Variants in PRDM5 observed in about 807,000 individuals in gnomAD.
PRDM5 encodes the protein PR/SET domain 5.
In PRDM5, 56 loss-of-function variants were observed where a neutral mutation model predicts 81.2. The ratio of observed to expected loss-of-function variants is 0.69; its 90% confidence interval spans 0.56 to 0.86. The LOEUF is 0.86. Among genes scored for constraint, PRDM5 ranks in the 40% least tolerant of loss-of-function variants. PRDM5 has a pLI of 0.00. For missense variants in PRDM5, 697 were observed against 770.1 expected, an observed-to-expected ratio of 0.91 and a Z score of 1.12; for synonymous variants, 267 against 256.4, an observed-to-expected ratio of 1.04 and a Z score of -0.39.
Position 120,722,418 on chromosome 4 carries a change from A to T in PRDM5, c.1624-12005T>A, listed in dbSNP as rs550273141. Among the ~76,000 whole-genome samples, 5 of 151,846 alleles carry T rather than the reference A, an allele frequency of 3.3e-5. No individual in the cohort carries two copies. In the South Asian group the frequency reaches 1.0e-3, roughly 32 times the overall value. On this transcript the variant is annotated intron_variant, in intron 14 of 15. Transcript: ENST00000264808. Reference sequence around the variant, plus strand: ...CTATATCACTGCTAGCAGAACCCTGATTCTATTTGGGTGTTGCCTTCTGCT... The same window carrying T: ...CTATATCACTGCTAGCAGAACCCTGTTTCTATTTGGGTGTTGCCTTCTGCT...
At chr4:120,847,834 T>A (rs1420123627) in intron 3 of PRDM5, among the ~76,000 whole-genome samples, 1 of 152,174 alleles carries the variant, frequency 6.6e-6, no homozygotes, top group Non-Finnish European at 1.5e-5. Context: ...GATTCTGTTT[T>A]ACCGCTGGGT....
At chr4:120,807,944 C>G (rs1753230664) in intron 8 of PRDM5, among the ~76,000 whole-genome samples, 1 of 152,094 alleles carries the variant, frequency 6.6e-6, no homozygotes, top group African/African-American at 2.4e-5. Context: ...GTGAGTGTTA[C>G]AGTTCTTAAA....
chr4:120,698,959 A>G (rs1274336731), intron 15 of PRDM5, among the ~76,000 whole-genome samples: 3 of 151,930 alleles, frequency 2.0e-5, no homozygotes, highest in Non-Finnish European at 4.4e-5. Flanking sequence ...TGTATTTTTA[A>G]ATAAAACATA....
chr4:120,814,735 A>G (rs1004311030), intron 7 of PRDM5, among the ~76,000 whole-genome samples: 4 of 152,190 alleles, frequency 2.6e-5, no homozygotes, highest in Admixed American at 2.0e-4. Flanking sequence ...CTTTCCTCCA[A>G]TGCCTGTGCA....
intron 2 of PRDM5, among the ~76,000 whole-genome samples, chr4:120,870,259 C>T (rs1266191567): frequency 1.3e-5 from 2 of 152,040 alleles, no homozygotes; most frequent in Non-Finnish European, 2.9e-5. Context: ...TTTATGACCT[C>T]GAGTGAAAGA....
At chr4:120,809,285 C>A (rs370566422) in intron 8 of PRDM5, among the ~76,000 whole-genome samples, 25 of 151,968 alleles carry the variant, frequency 1.6e-4, no homozygotes, top group African/African-American at 4.6e-4. Context: ...GGAGATATAC[C>A]TAATGTAAAT....
rs1725108083 is a variant in PRDM5 at position 120,922,594 on chromosome 4, G to A, written c.15C>T (p.Tyr5=). The A allele has an allele frequency of 4.4e-6, 7 of 1,608,478 alleles. No individual in the cohort carries two copies. The highest frequency in any genetic ancestry group is 1.3e-5 in the African/African-American group (1 of 74,886). Residue 5 remains tyrosine (Y), a synonymous_variant, in exon 1 of 16, where the codon TAC becomes TAT. Coordinates refer to ENST00000264808, the MANE Select transcript of PRDM5 (RefSeq NM_018699.4). MLGM[Y]VPDRFSLKSS... is the part of the protein sequence containing the mutation. ...ACTTCAGGGAGAACCTGTCCGGCAC[G>A]TACATGCCCAGCATTTTCCCGGGCG...
At chr4:120,853,323 T>C (rs763708284) in intron 3 of PRDM5, 95 bp downstream of exon 3, 26 of 1,557,518 alleles carry the variant, frequency 1.7e-5, no homozygotes, top group Non-Finnish European at 1.9e-5. Flanking sequence ...TTGAAGGAGG[T>C]CATTGGGAAA....
At chr4:120,808,987 C>A (rs1753430600) in intron 8 of PRDM5, among the ~76,000 whole-genome samples, 1 of 152,252 alleles carries the variant, frequency 6.6e-6, no homozygotes, top group Non-Finnish European at 1.5e-5. Flanking sequence ...CCGGCTCCGG[C>A]CTTGTCCAGC....
intron 14 of PRDM5, among the ~76,000 whole-genome samples, chr4:120,724,624 A>G (rs1397631375): frequency 6.6e-6 from 1 of 152,228 alleles, no homozygotes; most frequent in African/African-American, 2.4e-5. Flanking sequence ...AGTGTAATCC[A>G]TCTTTGAATA....
intron 13 of PRDM5, among the ~76,000 whole-genome samples, chr4:120,770,020 A>G (rs72678312): frequency 0.045 from 6,806 of 151,108 alleles, 306 homozygotes; most frequent in Middle Eastern, 0.15. Flanking sequence ...TTATTTATTT[A>G]TTTGTTTGTT....
intron 3 of PRDM5, among the ~76,000 whole-genome samples, chr4:120,835,814 A>T (rs897427636): frequency 6.6e-6 from 1 of 152,172 alleles, no homozygotes; most frequent in Non-Finnish European, 1.5e-5. Context: ...TAAGCTATAA[A>T]GGCGAAAGAA....
intron 7 of PRDM5, chr4:120,812,823 T>A: frequency 3.2e-6 from 1 of 313,800 alleles, no homozygotes. Flanking sequence ...TACTGTATAG[T>A]ATTAAAAGAG....
intron 1 of PRDM5, among the ~76,000 whole-genome samples, chr4:120,917,577 C>A (rs1724334586): frequency 6.6e-6 from 1 of 151,442 alleles, no homozygotes; most frequent in African/African-American, 2.4e-5. Context: ...TAGTACAGGT[C>A]TTGGCATATA....
At chr4:120,854,996 G>A (rs2148475514) in intron 2 of PRDM5, among the ~76,000 whole-genome samples, 1 of 152,178 alleles carries the variant, frequency 6.6e-6, no homozygotes. Flanking sequence ...TGGGCATTGA[G>A]ATCTAACAGA....
rs544836775 is a variant in PRDM5, at chr4:120,920,576, T to A, written c.93+1940A>T. On this transcript the variant is annotated intron_variant, in intron 1 of 15. Coordinates refer to ENST00000264808, the MANE Select transcript of PRDM5 (RefSeq NM_018699.4). ...TCAGCTAAAGTCTGCTGTTTGGCTT[T>A]AGCTTTGTCTTCGTCCTCAGATTTT... is the stretch of plus-strand genomic sequence containing the variant. Among the ~76,000 whole-genome samples the A allele has an allele frequency of 1.1e-4, 17 of 152,372 alleles. No homozygotes were observed. In the East Asian group the frequency reaches 2.9e-3, roughly 26 times the overall value.
At chr4:120,687,445 G>A (rs34660823), downstream of PRDM5, among the ~76,000 whole-genome samples, 24,075 of 152,034 alleles carry the variant, frequency 0.16, 2,441 homozygotes, top group Non-Finnish European at 0.24. Context: ...CCATGTTGTA[G>A]CATATGAAAT....
At chr4:120,733,510 A>T (rs1400254581) in intron 14 of PRDM5, among the ~76,000 whole-genome samples, 2 of 152,136 alleles carry the variant, frequency 1.3e-5, no homozygotes, top group Non-Finnish European at 2.9e-5. Context: ...TCCAATTCAG[A>T]CTTCCTCAGT....
At chr4:120,729,633 A>G (rs1739961110) in intron 14 of PRDM5, among the ~76,000 whole-genome samples, 1 of 152,208 alleles carries the variant, frequency 6.6e-6, no homozygotes, top group Non-Finnish European at 1.5e-5. Flanking sequence ...CGATAAAAAG[A>G]AACTACAATA....
Sources: allele counts gnomAD v4.1 joint callset (sites outside exome capture counted in the v4.1 genomes callset), GRCh38; gene constraint gnomAD v4.1.1; transcripts MANE v1.5; gene names NCBI Gene and HGNC (gene_info 2026-07-23, HGNC 2026-07-21).